The following SEPTIN7 variants were observed in gnomAD, a reference collection of about 807,000 sequenced individuals.
SEPTIN7 encodes the protein septin-7.
In SEPTIN7, 10 loss-of-function variants were observed where a neutral mutation model predicts 63.3. The observed-to-expected ratio is 0.16, with a 90% CI of 0.10 to 0.27. The LOEUF (loss-of-function observed/expected upper bound fraction) is 0.27. SEPTIN7 is among the 10% of genes least tolerant of loss of function. The pLI is 1.00. For missense variants in SEPTIN7, 310 were observed against 521.0 expected (o/e 0.59, Z 3.94); for synonymous variants, 131 against 165.3 (o/e 0.79, Z 1.59).
intron 10 of SEPTIN7, among the ~76,000 whole-genome samples, chr7:35,890,219 A>C (rs541109188): frequency 5.3e-5 from 8 of 152,378 alleles, no homozygotes; most frequent in African/African-American, 1.9e-4. Flanking sequence ...GTTTGAAAAC[A>C]ACTTGATATG....
rs1296568798 is a variant in SEPTIN7 at position 35,906,967 on chromosome 7, T to TA, written c.*2675dup. 6.6e-6 allele frequency: 1 copy of TA among 152,366 alleles called. No homozygotes were observed. The highest frequency in any genetic ancestry group is 1.5e-5 in the Non-Finnish European group (1 of 68,044). 9.4% of individuals were successfully genotyped at this position (152,366 alleles called of 1,614,324 possible). A position where few individuals can be genotyped will look rare whatever the true frequency, so the allele number is the denominator to read the frequency against. ...GTCTCCAAACCTGATGCTATTTCCTTACAAAAATATTTGTTGAGCATGTGT... is the reference window on the plus strand; with the variant it reads ...GTCTCCAAACCTGATGCTATTTCCTTAACAAAAATATTTGTTGAGCATGTGT... On this transcript the variant is annotated 3_prime_UTR_variant, in exon 14 of 14. Transcript: ENST00000350320.
rs756181603 is a variant in SEPTIN7 at position 35,883,927 on chromosome 7, A to G, written c.760A>G (p.Ile254Val). The change falls in exon 9 of 14, where the codon ATC becomes GTC. Residue 254 changes from isoleucine to valine, a missense_variant. Ile to Val is a conservative substitution (Grantham distance 29, BLOSUM62 3). Coordinates refer to ENST00000350320, the MANE Select transcript of SEPTIN7 (RefSeq NM_001788.6). ...LPLAVVGSNT[I>V]IEVNGKRVRG... is the part of the protein sequence containing the mutation. Reference sequence around the variant, plus strand: ...TCTTGCTGTGGTAGGTAGTAATACTATCATTGAAGTTAATGGCAAAAGGGT... The same window carrying G: ...TCTTGCTGTGGTAGGTAGTAATACTGTCATTGAAGTTAATGGCAAAAGGGT... 1.4e-5 allele frequency: 23 copies of G among 1,609,988 alleles called. No individual in the cohort carries two copies. The highest frequency in any genetic ancestry group is 6.6e-5 in the South Asian group (6 of 90,984).
At chr7:35,860,844 T>C (rs904812692) in intron 3 of SEPTIN7, among the ~76,000 whole-genome samples, 3 of 152,138 alleles carry the variant, frequency 2.0e-5, no homozygotes, top group African/African-American at 7.2e-5. Context: ...TTATTTGGAG[T>C]TTGTTGAGAT....
chr7:35,904,143 A>T, intron 13 of SEPTIN7, 111 bp from the exon 14 acceptor site: 2 of 635,270 alleles, frequency 3.1e-6, no homozygotes, highest in South Asian at 8.2e-5. Flanking sequence ...GTGAAAAAGT[A>T]GTATCTGAAA....
At chr7:35,880,179 ATTTTC>A (rs1332370310) in intron 7 of SEPTIN7, among the ~76,000 whole-genome samples, 1 of 102,026 alleles carries the variant, frequency 9.8e-6, no homozygotes, top group Non-Finnish European at 2.1e-5. Context: ...CTTTAGAATT[ATTTTC>A]TTTTTTCTTT....
At chr7:35,895,499 C>G (rs749880755) in intron 11 of SEPTIN7, among the ~76,000 whole-genome samples, 10 of 152,134 alleles carry the variant, frequency 6.6e-5, no homozygotes, top group Non-Finnish European at 1.2e-4. Flanking sequence ...TAGAAACACA[C>G]ATTTGCAGGT....
chr7:35,872,665 G>A lies in SEPTIN7; in HGVS notation c.277-1G>A. The stretch of plus-strand genomic sequence containing the variant: ...AACATCTGCACCAATTACTCTTACA[G>A]GTGGAACAATCCAAAGTTTTAATCA... On this transcript the variant is annotated splice_acceptor_variant, in intron 4 of 13. Coordinates refer to ENST00000350320, the MANE Select transcript of SEPTIN7 (RefSeq NM_001788.6). LOFTEE classifies it high-confidence loss of function. 1 of 1,607,292 alleles carries A rather than the reference G, an allele frequency of 6.2e-7. No homozygotes were observed. Among genetic ancestry groups the A allele is most frequent in the Non-Finnish European group, 8.5e-7 (1 of 1,174,126 alleles).
At chr7:35,911,751 T>C (rs139883335), downstream of SEPTIN7, among the ~76,000 whole-genome samples, 3,195 of 152,330 alleles carry the variant, frequency 0.021, 49 homozygotes, top group Non-Finnish European at 0.029. Flanking sequence ...TTGTGGAAAC[T>C]ATTAATAGCT....
intron 1 of SEPTIN7, among the ~76,000 whole-genome samples, chr7:35,816,139 G>A (rs967087410): frequency 1.3e-4 from 20 of 152,022 alleles, no homozygotes; most frequent in Non-Finnish European, 2.1e-4. Flanking sequence ...GTGGTTTTTC[G>A]TGTATTCAGG....
chr7:35,912,525 A>C, the SEPTIN7 span, among the ~76,000 whole-genome samples: 2 of 152,234 alleles, frequency 1.3e-5, no homozygotes, highest in Non-Finnish European at 2.9e-5. Context: ...GAAGGCTGTG[A>C]GACCCCTGAT....
chr7:35,820,254 T>C (rs1789332468), intron 1 of SEPTIN7, among the ~76,000 whole-genome samples: 3 of 152,250 alleles, frequency 2.0e-5, no homozygotes, highest in Admixed American at 2.0e-4. Context: ...TTTTATCTTA[T>C]TCAGTTTGTT....
chr7:35,853,542 G>A (rs1785061914), intron 3 of SEPTIN7, among the ~76,000 whole-genome samples: 1 of 152,180 alleles, frequency 6.6e-6, no homozygotes, highest in Non-Finnish European at 1.5e-5. Flanking sequence ...TTCAGATTGA[G>A]CTGTAGCTCT....
At chr7:35,891,973 C>T (rs1303381561) in intron 11 of SEPTIN7, among the ~76,000 whole-genome samples, 6 of 151,978 alleles carry the variant, frequency 3.9e-5, no homozygotes, top group Admixed American at 2.6e-4. Flanking sequence ...CATAAACTTA[C>T]ACATTAGCCT....
intron 11 of SEPTIN7, among the ~76,000 whole-genome samples, chr7:35,897,149 T>A (rs936645217): frequency 1.1e-4 from 17 of 152,168 alleles, no homozygotes; most frequent in African/African-American, 2.4e-4. Context: ...GTTAATTTTT[T>A]AAAAAAAATT....
Position 35,890,678 on chromosome 7 carries a change from C to G in SEPTIN7, c.883C>G (p.Gln295Glu). 1.3e-6 allele frequency: 2 copies of G among 1,561,412 alleles called. No individual in the cohort carries two copies. Among genetic ancestry groups the G allele is most frequent in the Non-Finnish European group, 1.7e-6 (2 of 1,157,762 alleles). Reference protein sequence around the residue: ...LRNMLIRTHMQDLKDVTNNVH... With the variant: ...LRNMLIRTHMEDLKDVTNNVH... ...GTTTGTTTATGACAGAACACACATGCAGGACTTGAAAGATGTTACTAATAA... is the reference window on the plus strand; with the variant it reads ...GTTTGTTTATGACAGAACACACATGGAGGACTTGAAAGATGTTACTAATAA... Residue 295 changes from glutamine to glutamate, a missense_variant, in exon 11 of 14, where the codon CAG (glutamine) becomes GAG (glutamate). Gln to Glu is a conservative substitution (Grantham distance 29). Around this residue, in one of 2 missense-constraint regions of SEPTIN7, gnomAD observed 255 missense variants for 490.5 expected, o/e 0.52. Coordinates refer to ENST00000350320, the MANE Select transcript of SEPTIN7 (RefSeq NM_001788.6).
intron 4 of SEPTIN7, among the ~76,000 whole-genome samples, chr7:35,863,881 A>G (rs1287207650): frequency 6.7e-6 from 1 of 149,776 alleles, no homozygotes; most frequent in Non-Finnish European, 1.5e-5. Flanking sequence ...GGACTCTCCT[A>G]GAGATGACAC....
At chr7:35,873,346 A>G (rs1347813281) in intron 5 of SEPTIN7, among the ~76,000 whole-genome samples, 2 of 152,088 alleles carry the variant, frequency 1.3e-5, no homozygotes, top group African/African-American at 2.4e-5. Flanking sequence ...TAAACTGCAT[A>G]TAATTGTTTT....
At chr7:35,805,229 A>G (rs1788256202) in intron 1 of SEPTIN7, among the ~76,000 whole-genome samples, 1 of 152,156 alleles carries the variant, frequency 6.6e-6, no homozygotes, top group Non-Finnish European at 1.5e-5. Flanking sequence ...CTGTACTATG[A>G]ACTTGTGACT....
At chr7:35,863,830 AGAAGAATTATCTTG>A (rs1022570369) in intron 4 of SEPTIN7, among the ~76,000 whole-genome samples, 172 bp downstream of exon 4, 2 of 151,142 alleles carry the variant, frequency 1.3e-5, no homozygotes, top group African/African-American at 4.9e-5. Context: ...ACAGTTCATC[AGAAGAATTATCTTG>A]GCTAGAACTT....
Sources: allele counts gnomAD v4.1 joint callset (sites outside exome capture counted in the v4.1 genomes callset), GRCh38; gene constraint gnomAD v4.1.1; regional missense constraint gnomAD v4.1.1; transcripts MANE v1.5; gene names NCBI Gene and HGNC (gene_info 2026-07-23, HGNC 2026-07-21).